The following CCDC7 variants were observed in gnomAD, a reference collection of about 807,000 sequenced individuals.
CCDC7 encodes coiled-coil domain containing 7.
In CCDC7, 183 loss-of-function variants were observed where a neutral mutation model predicts 196.9. That is an observed-to-expected ratio of 0.93 (90% CI 0.82 to 1.05). CCDC7 has a LOEUF of 1.05. CCDC7 is among the 50% of genes least tolerant of loss of function. The pLI is 0.00. For missense variants in CCDC7, 1,540 were observed against 1,482.2 expected (o/e 1.04, Z -0.64); for synonymous variants, 525 against 484.6 (o/e 1.08, Z -1.10).
At chr10:32,549,100 G>A (rs2053022303) in intron 13 of CCDC7, among the ~76,000 whole-genome samples, 1 of 152,012 alleles carries the variant, frequency 6.6e-6, no homozygotes, top group Non-Finnish European at 1.5e-5. Flanking sequence ...TTGATTATGG[G>A]CATTCGTGCA....
Position 32,798,154 on chromosome 10 carries a change from A to G in CCDC7, c.3014-6861A>G, listed in dbSNP as rs556014921. Among the ~76,000 whole-genome samples the G allele has an allele frequency of 1.6e-3, 241 of 152,334 alleles. 2 individuals are homozygous for G. Among genetic ancestry groups the G allele is most frequent in the African/African-American group, 4.3e-3 (178 of 41,590 alleles). ...AAACGCATAACTGGAGTACGTGTCT[A>G]TTCTGGTGAGGACAAACCTCTGCCC... is the stretch of plus-strand genomic sequence containing the variant. On this transcript the variant is annotated intron_variant, in intron 29 of 41. Coordinates refer to ENST00000639629, the Ensembl canonical transcript of CCDC7.
chr10:32,547,201 G>A (rs764512224), intron 13 of CCDC7, among the ~76,000 whole-genome samples: 102 of 152,080 alleles, frequency 6.7e-4, no homozygotes, highest in Middle Eastern at 3.4e-3. Context: ...TGTTTTTTAA[G>A]TTTTTTGTAA....
chr10:32,709,104 A>G (rs112923369), intron 24 of CCDC7, among the ~76,000 whole-genome samples: 21,762 of 152,128 alleles, frequency 0.14, 1,892 homozygotes, highest in African/African-American at 0.25. Flanking sequence ...GGATTAAGAA[A>G]ATGTGGCACA....
chr10:32,498,986 A>C (rs2043382150), intron 9 of CCDC7: 1 of 151,930 alleles, frequency 6.6e-6, no homozygotes. Context: ...AGTGTTTTCC[A>C]ACTTGGTTCA....
intron 31 of CCDC7, among the ~76,000 whole-genome samples, chr10:32,823,148 CT>C (rs61638737): frequency 1.5e-3 from 210 of 143,110 alleles, no homozygotes; most frequent in South Asian, 2.0e-3. Flanking sequence ...CAATATGATG[CT>C]TTTTTTTTTT....
intron 5 of CCDC7, among the ~76,000 whole-genome samples, chr10:32,470,525 G>A (rs760950122): frequency 5.3e-5 from 8 of 151,916 alleles, no homozygotes; most frequent in Non-Finnish European, 1.2e-4. Context: ...TTCTTTCCAC[G>A]GCTTGTTATT....
chr10:32,762,836 T>C (rs1307255547), intron 28 of CCDC7, among the ~76,000 whole-genome samples: 1 of 151,848 alleles, frequency 6.6e-6, no homozygotes, highest in Non-Finnish European at 1.5e-5. Context: ...CTGGAACTTA[T>C]TTTATAACAT....
At chr10:32,703,618 T>G (rs989385657) in intron 24 of CCDC7, among the ~76,000 whole-genome samples, 8 of 152,120 alleles carry the variant, frequency 5.3e-5, no homozygotes, top group African/African-American at 1.7e-4. Flanking sequence ...GTTTTCCAAC[T>G]TGGTTCCATT....
intron 29 of CCDC7, among the ~76,000 whole-genome samples, chr10:32,799,312 T>C (rs986017334): frequency 1.3e-5 from 2 of 152,168 alleles, no homozygotes; most frequent in African/African-American, 2.4e-5. Flanking sequence ...GGCCTGCCAA[T>C]GTCTCCAAAC....
At chr10:32,653,210 G>A (rs2140199146) in intron 20 of CCDC7, among the ~76,000 whole-genome samples, 1 of 152,262 alleles carries the variant, frequency 6.6e-6, no homozygotes, top group East Asian at 1.9e-4. Context: ...AAGGGGTATA[G>A]GACTCAGGTT....
chr10:32,689,974 A>G (rs1591626302), intron 23 of CCDC7, among the ~76,000 whole-genome samples: 1 of 152,240 alleles, frequency 6.6e-6, no homozygotes, highest in East Asian at 1.9e-4. Context: ...ACCTCAAATG[A>G]TCCACCCGCC....
At chr10:32,733,625 TTATTC>T (rs1176147058) in intron 28 of CCDC7, among the ~76,000 whole-genome samples, 1 of 149,188 alleles carries the variant, frequency 6.7e-6, no homozygotes, top group African/African-American at 2.5e-5. Context: ...TCAAATATGT[TTATTC>T]TGTTCAGTTC....
At chr10:32,562,167 C>G (rs2055817064) in intron 13 of CCDC7, among the ~76,000 whole-genome samples, 1 of 152,102 alleles carries the variant, frequency 6.6e-6, no homozygotes, top group Non-Finnish European at 1.5e-5. Flanking sequence ...CAATAGCTTA[C>G]CAACCAAAAA....
At chr10:32,763,025 CTA>C (rs1304860663) in intron 28 of CCDC7, among the ~76,000 whole-genome samples, 1 of 151,642 alleles carries the variant, frequency 6.6e-6, no homozygotes, top group African/African-American at 2.4e-5. Flanking sequence ...TATAATAAAA[CTA>C]AAAATTTTCT....
At chr10:32,519,909 C>T (rs1232846082) in intron 11 of CCDC7, among the ~76,000 whole-genome samples, 2 of 152,116 alleles carry the variant, frequency 1.3e-5, no homozygotes, top group Admixed American at 6.5e-5. Flanking sequence ...CTTCTATTCT[C>T]TATCTCCATG....
intron 11 of CCDC7, among the ~76,000 whole-genome samples, chr10:32,532,498 T>A (rs1490973361): frequency 6.6e-6 from 1 of 152,212 alleles, no homozygotes; most frequent in Non-Finnish European, 1.5e-5. Context: ...GAAAACAATG[T>A]GTATTCTGCG....
At chr10:32,707,083 C>G (rs367559378) in intron 24 of CCDC7, among the ~76,000 whole-genome samples, 11 of 152,332 alleles carry the variant, frequency 7.2e-5, no homozygotes, top group African/African-American at 2.4e-4. Flanking sequence ...AAAATACTAG[C>G]AAACAGAATC....
At chr10:32,463,250 A>G (rs1384120631) in intron 5 of CCDC7, among the ~76,000 whole-genome samples, 4 of 152,138 alleles carry the variant, frequency 2.6e-5, no homozygotes, top group African/African-American at 7.2e-5. Flanking sequence ...ATCCCTGCAT[A>G]TATCTGGTAT....
Position 32,779,228 on chromosome 10 carries a change from A to G in CCDC7, c.3013+144A>G, listed in dbSNP as rs966706588. ...AGTTCATTCTACTCAATCAATCTAC[A>G]TGTCAATTAAGTGTATCTTTAAATT... On this transcript the variant is annotated intron_variant, in intron 29 of 41. Coordinates refer to ENST00000639629, the Ensembl canonical transcript of CCDC7. 36 of 582,652 alleles carry G rather than the reference A, an allele frequency of 6.2e-5. No homozygotes were observed. The East Asian group carries it at 6.4e-4, about 10-fold the overall frequency. The allele number at this position is 582,652 out of a possible 1,614,324, so 36.1% of individuals were successfully genotyped here.
Sources: allele counts gnomAD v4.1 joint callset (sites outside exome capture counted in the v4.1 genomes callset), GRCh38; gene constraint gnomAD v4.1.1; transcripts MANE v1.5; gene names NCBI Gene and HGNC (gene_info 2026-07-23, HGNC 2026-07-21).